The following TMEM19 variants were observed in gnomAD, a reference collection of about 807,000 sequenced individuals.
TMEM19 encodes transmembrane protein 19.
TMEM19 carries 21 observed loss-of-function variants against 33.6 expected under a neutral mutation model. The ratio of observed to expected loss-of-function variants is 0.62; its 90% CI spans 0.44 to 0.90. The LOEUF (loss-of-function observed/expected upper bound fraction) is 0.90. TMEM19 is among the 40% of genes least tolerant of loss of function. The pLI, the probability that TMEM19 is intolerant of heterozygous loss-of-function variation, is 0.00. For missense variants in TMEM19, 402 were observed against 401.8 expected, an observed-to-expected ratio of 1.00 and a Z score of 0.00; for synonymous variants, 149 against 147.5, an observed-to-expected ratio of 1.01 and a Z score of -0.07.
chr12:71,689,605 A>G lies in TMEM19; in HGVS notation c.145A>G (p.Ile49Val). ...ASTYYGNLRP[I>V]SPWRWLFSVV... is the part of the protein sequence containing the mutation. ...TAATTTTTCAGGTAACTTACGACCT[A>G]TTTCTCCGTGGCGTTGGCTGTTTTC... The change falls in exon 2 of 6, where the codon ATT becomes GTT. Residue 49 changes from isoleucine (I) to valine (V), a missense_variant. Ile to Val is a conservative substitution (Grantham distance 29). Coordinates refer to ENST00000266673, the MANE Select transcript of TMEM19 (RefSeq NM_018279.4). The G allele has an allele frequency of 6.2e-7, 1 of 1,614,002 alleles. No homozygotes were observed. Among genetic ancestry groups the G allele is most frequent in the African/African-American group, 1.3e-5 (1 of 74,996 alleles).
At position 71,697,480 on chromosome 12, in the gene TMEM19, G is replaced by A; in HGVS notation, c.583G>A (p.Val195Ile). 1 of 1,597,516 alleles carries A rather than the reference G, an allele frequency of 6.3e-7. No homozygotes were observed. ...GDTWASEVGP[V>I]LSKSSPRLIT... The stretch of plus-strand genomic sequence containing the variant: ...CACATGGGCTTCAGAAGTTGGCCCA[G>A]TTCTGAGTAAAAGTTCTCCAAGACT... The change falls in exon 4 of 6, where the codon GTT (valine) becomes ATT (isoleucine). Residue 195 changes from valine (V) to isoleucine (I), a missense_variant. Physicochemically the swap from Val to Ile is conservative, Grantham distance 29. Coordinates refer to ENST00000266673, the MANE Select transcript of TMEM19 (RefSeq NM_018279.4).
chr12:71,692,340 A>G (rs1881799869), intron 2 of TMEM19, among the ~76,000 whole-genome samples: 1 of 152,218 alleles, frequency 6.6e-6, no homozygotes, highest in South Asian at 2.1e-4. Flanking sequence ...ATAGAGAAGT[A>G]TATAGAGAGG....
chr12:71,699,476 T>G (rs977009041), intron 5 of TMEM19: 1 of 368,842 alleles, frequency 2.7e-6, no homozygotes, highest in Admixed American at 4.4e-5. Context: ...ATTGTACAAA[T>G]CTGACTATAC....
chr12:71,696,087 C>T (rs1280003657), intron 2 of TMEM19, among the ~76,000 whole-genome samples: 1 of 152,140 alleles, frequency 6.6e-6, no homozygotes, highest in Non-Finnish European at 1.5e-5. Flanking sequence ...GAGGCCAATG[C>T]TGGGCAGATT....
At position 71,703,458 on chromosome 12, in the gene TMEM19, T is replaced by C. The variant is rs2137603491; in HGVS notation, c.*2463T>C. On this transcript the variant is annotated 3_prime_UTR_variant, in exon 6 of 6. Transcript: ENST00000266673. ...GCACATCGTTCTGACATGCCCTTTT[T>C]TTCCCTGGAGATTTATCCTCATGAC... 6.6e-6 allele frequency: 1 copy of C among 152,350 alleles called. No individual in the cohort carries two copies. The highest frequency in any genetic ancestry group is 6.5e-5 in the Admixed American group (1 of 15,292). 9.4% of individuals were successfully genotyped at this position (152,350 alleles called of 1,614,324 possible). A position where few individuals can be genotyped will look rare whatever the true frequency, so the allele number is the denominator to read the frequency against.
rs1325778633 is a variant in TMEM19 at position 71,704,500 on chromosome 12, G to T, written c.*3505G>T. On this transcript the variant is annotated 3_prime_UTR_variant, in exon 6 of 6. Coordinates refer to ENST00000266673, the MANE Select transcript of TMEM19 (RefSeq NM_018279.4). ...TTCCCAGTGCTATCACAATGAGAAT[G>T]ATCTATACTAGCCACCAGATCTCAG... 3.3e-5 allele frequency: 5 copies of T among 152,450 alleles called. No homozygotes were observed. The highest frequency in any genetic ancestry group is 7.3e-5 in the Non-Finnish European group (5 of 68,212). The allele number at this position is 152,450 out of a possible 1,614,324, so 9.4% of individuals were successfully genotyped here.
intron 5 of TMEM19, 85 bp downstream of exon 5, chr12:71,699,194 A>G: frequency 6.9e-7 from 1 of 1,444,592 alleles, no homozygotes. Context: ...CAATGAAAAC[A>G]AATCCAAAGA....
intron 2 of TMEM19, among the ~76,000 whole-genome samples, chr12:71,693,537 C>A (rs1028185632): frequency 2.0e-5 from 3 of 152,144 alleles, no homozygotes; most frequent in African/African-American, 7.2e-5. Flanking sequence ...GTATCTATAG[C>A]AATGAATTAT....
rs1881919374 is a variant in TMEM19 at position 71,698,608 on chromosome 12, AGAGAGAGAG to A, written c.638-291_638-283del. Among the ~76,000 whole-genome samples, 3 of 1,638 alleles carry A rather than the reference AGAGAGAGAG, an allele frequency of 1.8e-3. No individual in the cohort carries two copies. The Admixed American group carries it at 0.02, about 11-fold the overall frequency. 1.1% of individuals were successfully genotyped at this position (1,638 alleles called of 152,430 possible). A position where few individuals can be genotyped will look rare whatever the true frequency, so the allele number is the denominator to read the frequency against. On this transcript the variant is annotated intron_variant, in intron 4 of 5. Coordinates refer to ENST00000266673, the MANE Select transcript of TMEM19 (RefSeq NM_018279.4). ...ATAGAGCAAAACCTTGTCTCTGAAA[AGAGAGAGAG>A]AGAGAGAGAGAGAGAGAGAGAGAGA...
At position 71,703,175 on chromosome 12, in the gene TMEM19, TAGACTCCATCTCAAAAAAAAAAAAAAAAA is replaced by T. The variant is rs1275746736; in HGVS notation, c.*2182_*2210del. 1.1e-5 allele frequency: 1 copy of T among 93,886 alleles called. No homozygotes were observed. Among genetic ancestry groups the T allele is most frequent in the African/African-American group, 4.1e-5 (1 of 24,592 alleles). 5.8% of individuals were successfully genotyped at this position (93,886 alleles called of 1,614,324 possible). A position where few individuals can be genotyped will look rare whatever the true frequency, so the allele number is the denominator to read the frequency against. On this transcript the variant is annotated 3_prime_UTR_variant, in exon 6 of 6. Coordinates refer to ENST00000266673, the MANE Select transcript of TMEM19 (RefSeq NM_018279.4). ...CTGGGCAACAGAGGGAGACTCCATC[TAGACTCCATCTCAAAAAAAAAAAAAAAAA>T]AAAAAAAAAAAAAAAAAAAAAAGAA...
chr12:71,690,712 C>G (rs533717811), intron 2 of TMEM19, among the ~76,000 whole-genome samples: 1 of 152,254 alleles, frequency 6.6e-6, no homozygotes, highest in Non-Finnish European at 1.5e-5. Context: ...GTGCTTTTCT[C>G]TACGGAGGTC....
chr12:71,697,577 G>C, intron 4 of TMEM19, 43 bp downstream of exon 4: 1 of 1,535,828 alleles, frequency 6.5e-7, no homozygotes, highest in Non-Finnish European at 8.7e-7. Context: ...GACACAGTTG[G>C]TGAGTCTTGA....
chr12:71,698,829 A>G, intron 4 of TMEM19, 71 bp from the exon 5 acceptor site: 1 of 1,350,060 alleles, frequency 7.4e-7, no homozygotes, highest in Non-Finnish European at 1.1e-6. Context: ...TTAGATAGGT[A>G]CCTTGCTGTC....
chr12:71,686,802 C>T lies in TMEM19; in HGVS notation c.122C>T (p.Thr41Ile), dbSNP rs199711484. 1.2e-6 allele frequency: 2 copies of T among 1,608,934 alleles called. No individual in the cohort carries two copies. Among genetic ancestry groups the T allele is most frequent in the Admixed American group, 1.7e-5 (1 of 59,620 alleles). The change falls in exon 1 of 6, where the codon ACC becomes ATC. Residue 41 changes from threonine to isoleucine, a missense_variant. Coordinates refer to ENST00000266673, the MANE Select transcript of TMEM19 (RefSeq NM_018279.4). ...AFWIISMTAS[T>I]YYGNLRPISP... ...TGGATTATATCAATGACTGCAAGCA[C>T]CTATTATGGTAAGTCTGAGTGTTCT...
In TMEM19 at chr12:71,704,100, G is replaced by C. The variant is rs944804029; in HGVS notation, c.*3105G>C. On this transcript the variant is annotated 3_prime_UTR_variant, in exon 6 of 6. Transcript: ENST00000266673. ...TATCATACTGTTCCATGATAGAAGAGAGCAGATATATGTGGCTTGGGGCAG... is the reference window on the plus strand; with the variant it reads ...TATCATACTGTTCCATGATAGAAGACAGCAGATATATGTGGCTTGGGGCAG... 2.8e-6 allele frequency: 1 copy of C among 358,268 alleles called. No individual in the cohort carries two copies. Among genetic ancestry groups the C allele is most frequent in the Non-Finnish European group, 6.0e-6 (1 of 167,322 alleles). The allele number at this position is 358,268 out of a possible 1,614,324, so 22.2% of individuals were successfully genotyped here.
In TMEM19 at chr12:71,701,072, T is replaced by C. The variant is rs1419538372; in HGVS notation, c.*77T>C. ...ATTCCAACTTTCATCCTAAGAATAA[T>C]AACTGTAATGGCAAAGCGGAAATGC... On this transcript the variant is annotated 3_prime_UTR_variant, in exon 6 of 6. Coordinates refer to ENST00000266673, the MANE Select transcript of TMEM19 (RefSeq NM_018279.4). The C allele has an allele frequency of 7.1e-6, 10 of 1,409,266 alleles. No individual in the cohort carries two copies. The Admixed American group carries it at 1.4e-4, about 20-fold the overall frequency. The allele number at this position is 1,409,266 out of a possible 1,614,324, so 87.3% of individuals were successfully genotyped here.
intron 1 of TMEM19, among the ~76,000 whole-genome samples, chr12:71,687,419 A>C (rs1237655602): frequency 6.6e-6 from 1 of 152,120 alleles, no homozygotes; most frequent in African/African-American, 2.4e-5. Flanking sequence ...GCTCTACTAA[A>C]ACTAGAAAAA....
rs1881678151 is a variant in TMEM19 at position 71,686,092 on chromosome 12, C to A, written c.-589C>A. 1 of 160,636 alleles carries A rather than the reference C, an allele frequency of 6.2e-6. No homozygotes were observed. Among genetic ancestry groups the A allele is most frequent in the African/African-American group, 2.4e-5 (1 of 41,504 alleles). 10.0% of individuals were successfully genotyped at this position (160,636 alleles called of 1,614,324 possible). On this transcript the variant is annotated 5_prime_UTR_variant, in exon 1 of 6. Coordinates refer to ENST00000266673, the MANE Select transcript of TMEM19 (RefSeq NM_018279.4). The stretch of plus-strand genomic sequence containing the variant: ...AAGCGGCTGCGGCGCATGCCCACAG[C>A]GGGCGAGGCGCTAGAGGCGGGGGCG...
chr12:71,686,406 A>AGCGGCCG lies in TMEM19; in HGVS notation c.-272_-266dup. Reference sequence around the variant, plus strand: ...CGTGGGCTCCGGCGTGAGGCGCTGAAGCGGCCGGCAGCCGGCGACCGGCCC... The same window carrying AGCGGCCG: ...CGTGGGCTCCGGCGTGAGGCGCTGAAGCGGCCGGCGGCCGGCAGCCGGCGACCGGCCC... On this transcript the variant is annotated 5_prime_UTR_variant, in exon 1 of 6. Transcript: ENST00000266673. The AGCGGCCG allele has an allele frequency of 3.1e-6, 1 of 320,446 alleles. No homozygotes were observed. Among genetic ancestry groups the AGCGGCCG allele is most frequent in the South Asian group, 3.1e-5 (1 of 32,726 alleles). The allele number at this position is 320,446 out of a possible 1,614,324, so 19.9% of individuals were successfully genotyped here. A position where few individuals can be genotyped will look rare whatever the true frequency, so the allele number is the denominator to read the frequency against.
Sources: allele counts gnomAD v4.1 joint callset (sites outside exome capture counted in the v4.1 genomes callset), GRCh38; gene constraint gnomAD v4.1.1; transcripts MANE v1.5; gene names NCBI Gene and HGNC (gene_info 2026-07-23, HGNC 2026-07-21).